Variants in ACTN4 observed in about 807,000 individuals in gnomAD.
ACTN4 encodes the protein actinin alpha 4, also known as alpha-actinin-4.
In ACTN4, 18 loss-of-function variants were observed where a neutral mutation model predicts 114.2. The observed-to-expected ratio is 0.16, with a 90% CI of 0.11 to 0.23. The LOEUF is 0.23. Ranked by LOEUF, ACTN4 falls within the 10% of genes least tolerant of loss-of-function variation. The pLI, the probability that ACTN4 is intolerant of heterozygous loss-of-function variation, is 1.00. For missense variants in ACTN4, 722 were observed against 1,262.9 expected (o/e 0.57, Z 6.49); for synonymous variants, 515 against 506.3 (o/e 1.02, Z -0.23).
chr19:38,672,168 G>A (rs1039699712), intron 1 of ACTN4, among the ~76,000 whole-genome samples: 9 of 152,054 alleles, frequency 5.9e-5, no homozygotes, highest in South Asian at 4.2e-4. Context: ...GACGAACATG[G>A]CGGGAGTTCT....
intron 1 of ACTN4, 109 bp downstream of exon 1, chr19:38,648,016 G>T (rs1489836257): frequency 2.4e-6 from 3 of 1,270,930 alleles, no homozygotes; most frequent in Non-Finnish European, 3.0e-6. Flanking sequence ...GAACGGGGGG[G>T]TCCCGAGAAG....
chr19:38,683,967 A>G (rs1158612991), intron 1 of ACTN4: 1 of 152,262 alleles, frequency 6.6e-6, no homozygotes, highest in African/African-American at 2.4e-5. Flanking sequence ...TCCTTAGAGT[A>G]GATCAAATGA....
Position 38,647,667 on chromosome 19 carries a change from G to C in ACTN4, c.-79G>C. ...GCGGGCTGAAGCAGCTGAAGCGGCG[G>C]TAGCGGCGGCGGCTCGGGCAGAGGG... On this transcript the variant is annotated 5_prime_UTR_variant, in exon 1 of 21. Coordinates refer to ENST00000252699, the MANE Select transcript of ACTN4 (RefSeq NM_004924.6). 1 of 1,478,002 alleles carries C rather than the reference G, an allele frequency of 6.8e-7. No individual in the cohort carries two copies. Among genetic ancestry groups the C allele is most frequent in the Non-Finnish European group, 9.0e-7 (1 of 1,113,044 alleles). The allele number at this position is 1,478,002 out of a possible 1,614,324, so 91.6% of individuals were successfully genotyped here.
chr19:38,710,384 G>T (rs754814407), intron 8 of ACTN4, 42 bp downstream of exon 8: 31 of 1,593,168 alleles, frequency 1.9e-5, no homozygotes, highest in Non-Finnish European at 2.6e-5. Flanking sequence ...CCGCCACCGC[G>T]CAATGCCGCC....
intron 1 of ACTN4, among the ~76,000 whole-genome samples, chr19:38,650,310 G>C (rs958033392): frequency 6.6e-6 from 1 of 151,980 alleles, no homozygotes; most frequent in South Asian, 2.1e-4. Flanking sequence ...GGCTTTGTTC[G>C]TGGTTATAGT....
rs1385902149 is a variant in ACTN4, at chr19:38,729,933, G to GACTC, written c.*505_*508dup. 5.8e-6 allele frequency: 2 copies of GACTC among 342,792 alleles called. No homozygotes were observed. The highest frequency in any genetic ancestry group is 1.1e-5 in the Non-Finnish European group (2 of 174,618). The allele number at this position is 342,792 out of a possible 1,614,324, so 21.2% of individuals were successfully genotyped here. On this transcript the variant is annotated 3_prime_UTR_variant, in exon 21 of 21. Coordinates refer to ENST00000252699, the MANE Select transcript of ACTN4 (RefSeq NM_004924.6). Reference sequence around the variant, plus strand: ...CAGCCCCTCTCCCCTCTCTGCTCCAGACTCACTTGCCATTGCCAGGAGATG... The same window carrying GACTC: ...CAGCCCCTCTCCCCTCTCTGCTCCAGACTCACTCACTTGCCATTGCCAGGAGATG...
In ACTN4 at chr19:38,703,294, A is replaced by C. The variant is rs1037614200; in HGVS notation, c.398-1640A>C. Among the ~76,000 whole-genome samples, 14 of 146,828 alleles carry C rather than the reference A, an allele frequency of 9.5e-5. No individual in the cohort carries two copies. In the East Asian group the frequency reaches 2.0e-3, roughly 21 times the overall value. The stretch of plus-strand genomic sequence containing the variant: ...ACTCTTGTCACCTAGGCTGGAGTGC[A>C]ATGGTGCAATCTCAGCTCACTGCAA... On this transcript the variant is annotated intron_variant, in intron 3 of 20. Transcript: ENST00000252699.
rs145505131 is a variant in ACTN4, at chr19:38,721,584, A to C, written c.1338A>C (p.Leu446=). 1.4e-4 allele frequency: 225 copies of C among 1,614,080 alleles called. No homozygotes were observed. The highest frequency in any genetic ancestry group is 1.8e-4 in the Non-Finnish European group (214 of 1,180,030). Residue 446 remains leucine, a synonymous_variant, in exon 12 of 21, where the codon CTA becomes CTC. Coordinates refer to ENST00000252699, the MANE Select transcript of ACTN4 (RefSeq NM_004924.6). Reference sequence around the variant, plus strand: ...ACCGGGACTACGAGACGGCCACACTATCGGACATCAAAGCCCTCATTCGCA... The same window carrying C: ...ACCGGGACTACGAGACGGCCACACTCTCGGACATCAAAGCCCTCATTCGCA... The part of the protein sequence containing the change: ...LKHRDYETAT[L]SDIKALIRKH...
At chr19:38,661,064 C>T (rs1033574367) in intron 1 of ACTN4, among the ~76,000 whole-genome samples, 2 of 152,140 alleles carry the variant, frequency 1.3e-5, no homozygotes, top group Admixed American at 6.5e-5. Context: ...CAGAAAGGCC[C>T]GAGTGGTCAG....
chr19:38,688,670 T>C (rs777003916), intron 1 of ACTN4, among the ~76,000 whole-genome samples: 5 of 151,716 alleles, frequency 3.3e-5, no homozygotes. Context: ...AAGGCTGCAG[T>C]GAGCTATGAT....
intron 1 of ACTN4, among the ~76,000 whole-genome samples, chr19:38,670,999 A>C (rs571086144): frequency 6.6e-6 from 1 of 151,254 alleles, no homozygotes; most frequent in African/African-American, 2.4e-5. Context: ...TGTGACCCCT[A>C]ACCTTGCATG....
chr19:38,678,204 C>T (rs1027336132), intron 1 of ACTN4, among the ~76,000 whole-genome samples: 1 of 152,242 alleles, frequency 6.6e-6, no homozygotes, highest in Non-Finnish European at 1.5e-5. Flanking sequence ...AGAGAAGGCC[C>T]TTGCCCTTAA....
Position 38,729,980 on chromosome 19 carries a change from T to C in ACTN4, c.*548T>C. The C allele has an allele frequency of 6.3e-6, 2 of 318,696 alleles. No individual in the cohort carries two copies. Among genetic ancestry groups the C allele is most frequent in the Non-Finnish European group, 1.2e-5 (2 of 163,508 alleles). The allele number at this position is 318,696 out of a possible 1,614,324, so 19.7% of individuals were successfully genotyped here. On this transcript the variant is annotated 3_prime_UTR_variant, in exon 21 of 21. Coordinates refer to ENST00000252699, the MANE Select transcript of ACTN4 (RefSeq NM_004924.6). ...GATGGCCCCAACAAGCACCCCGCTT[T>C]TGCAGCAGAGGAGCTGAGTTGGCAG...
At chr19:38,683,184 G>A (rs945759873) in intron 1 of ACTN4, among the ~76,000 whole-genome samples, 2 of 152,168 alleles carry the variant, frequency 1.3e-5, no homozygotes, top group African/African-American at 4.8e-5. Flanking sequence ...GGTGCCAGCG[G>A]TTTGGAGTGG....
chr19:38,721,335 C>T (rs1568741594), intron 11 of ACTN4, among the ~76,000 whole-genome samples: 1 of 152,198 alleles, frequency 6.6e-6, no homozygotes, highest in Non-Finnish European at 1.5e-5. Context: ...AGTGTCCATC[C>T]AGGTCCATCC....
chr19:38,653,363 G>A lies in ACTN4; in HGVS notation c.162+5456G>A, dbSNP rs534411900. On this transcript the variant is annotated intron_variant, in intron 1 of 20. Transcript: ENST00000252699. The stretch of plus-strand genomic sequence containing the variant: ...TTCCGTTTTTGCTACACTGATTTAT[G>A]TTGTGCTGGGAATTGTACAAGCCTT... Among the ~76,000 whole-genome samples the A allele has an allele frequency of 1.6e-3, 243 of 151,176 alleles. 1 individual carries two copies. Among genetic ancestry groups the A allele is most frequent in the African/African-American group, 5.7e-3 (236 of 41,100 alleles).
chr19:38,718,247 C>A, intron 11 of ACTN4, 173 bp downstream of exon 11: 1 of 1,181,992 alleles, frequency 8.5e-7, no homozygotes, highest in Non-Finnish European at 1.2e-6. Flanking sequence ...TGCTTTAGAG[C>A]CAGGTTCAGT....
chr19:38,709,827 T>C (rs1968583932), intron 7 of ACTN4, among the ~76,000 whole-genome samples: 1 of 152,122 alleles, frequency 6.6e-6, no homozygotes, highest in South Asian at 2.1e-4. Context: ...AACCCTGGCC[T>C]CTCCCTCCCT....
intron 1 of ACTN4, among the ~76,000 whole-genome samples, chr19:38,686,224 C>T (rs150193161): frequency 0.05 from 7,637 of 152,238 alleles, 247 homozygotes; most frequent in Admixed American, 0.092. Context: ...AATCCCTGGG[C>T]GGATTTGTCC....
Sources: allele counts gnomAD v4.1 joint callset (sites outside exome capture counted in the v4.1 genomes callset), GRCh38; gene constraint gnomAD v4.1.1; transcripts MANE v1.5; gene names NCBI Gene and HGNC (gene_info 2026-07-23, HGNC 2026-07-21).